Variants in BPIFA2 observed in about 807,000 individuals in gnomAD.
The protein encoded by BPIFA2 is BPI fold containing family A member 2, also known as BPI fold-containing family A member 2.
In BPIFA2, 20 loss-of-function variants were observed where a neutral mutation model predicts 25.7. The observed-to-expected ratio is 0.78, with a 90% confidence interval of 0.55 to 1.13. BPIFA2 has a LOEUF of 1.13. BPIFA2 is among the 50% of genes most tolerant of loss of function. BPIFA2 has a pLI of 0.00. For missense variants in BPIFA2, 300 were observed against 298.1 expected (o/e 1.01, Z -0.05); for synonymous variants, 126 against 124.3 (o/e 1.01, Z -0.09).
At chr20:33,176,613 G>A (rs1175161288) in intron 5 of BPIFA2, among the ~76,000 whole-genome samples, 3 of 152,196 alleles carry the variant, frequency 2.0e-5, no homozygotes, top group Admixed American at 6.5e-5. Context: ...CCTCAGGGAC[G>A]CCATCCTGCT....
chr20:33,161,780 G>C (rs893028270), exon 1 of BPIFA2: 2 of 152,264 alleles, frequency 1.3e-5, no homozygotes, highest in African/African-American at 4.8e-5. Context: ...AGAATTTGCA[G>C]GGGGGTGACA....
At chr20:33,175,676 G>T in intron 5 of BPIFA2, 117 bp downstream of exon 5, 1 of 1,155,084 alleles carries the variant, frequency 8.7e-7, no homozygotes, top group South Asian at 1.6e-5. Flanking sequence ...AGGCTCTGGA[G>T]TCATGTTGAC....
At chr20:33,162,933 C>A (rs1983621773) in intron 1 of BPIFA2, among the ~76,000 whole-genome samples, 1 of 152,250 alleles carries the variant, frequency 6.6e-6, no homozygotes, top group African/African-American at 2.4e-5. Context: ...GGGCTGGGCA[C>A]TGTGCCAGGG....
chr20:33,163,437 C>G (rs536772773), upstream of BPIFA2, among the ~76,000 whole-genome samples: 113 of 152,276 alleles, frequency 7.4e-4, no homozygotes, highest in African/African-American at 2.5e-3. Flanking sequence ...AGGGATTTCT[C>G]TGACACAGGC....
In BPIFA2 at chr20:33,180,576, A is replaced by G. The variant is rs1315588453; in HGVS notation, c.*16A>G. 2 of 1,610,180 alleles carry G rather than the reference A, an allele frequency of 1.2e-6. No individual in the cohort carries two copies. The highest frequency in any genetic ancestry group is 2.2e-5 in the South Asian group (2 of 91,022). ...CCTCATCTGAAGAGGACGAATGAGG[A>G]GGACCACTGTGGTGCATGCTGGTGA... On this transcript the variant is annotated 3_prime_UTR_variant, in exon 8 of 9. Coordinates refer to ENST00000354932, the MANE Select transcript of BPIFA2 (RefSeq NM_080574.4).
chr20:33,174,439 T>A (rs1207868342), intron 4 of BPIFA2, among the ~76,000 whole-genome samples: 2 of 152,240 alleles, frequency 1.3e-5, no homozygotes, highest in African/African-American at 4.8e-5. Context: ...GACATTTATC[T>A]GGTTTTAAAA....
chr20:33,163,715 G>A (rs1983643084), upstream of BPIFA2, among the ~76,000 whole-genome samples: 3 of 152,108 alleles, frequency 2.0e-5, no homozygotes, highest in Admixed American at 2.0e-4. Flanking sequence ...CCAGCTACTC[G>A]GGCGGCTGAG....
chr20:33,179,606 A>G lies in BPIFA2; in HGVS notation c.648A>G (p.Ile216Met). The stretch of plus-strand genomic sequence containing the variant: ...CTTCCTCCTTTCTCCGCTGTCAGAT[A>G]TGTCCACTGATCCGCATCTTCATCC... ...STVSSLLQKE[I>M]CPLIRIFIHS... is the part of the protein sequence containing the mutation. The change falls in exon 7 of 9, where the codon ATA becomes ATG. Residue 216 changes from isoleucine (I) to methionine (M), a missense_variant and splice_region_variant. Transcript: ENST00000354932. The G allele has an allele frequency of 3.7e-6, 6 of 1,609,530 alleles. No individual in the cohort carries two copies. Among genetic ancestry groups the G allele is most frequent in the Non-Finnish European group, 5.1e-6 (6 of 1,176,044 alleles).
At chr20:33,169,511 T>A (rs965303718) in intron 2 of BPIFA2, among the ~76,000 whole-genome samples, 3 of 152,224 alleles carry the variant, frequency 2.0e-5, no homozygotes, top group African/African-American at 7.2e-5. Flanking sequence ...CTGATAAACG[T>A]GCATAAGATA....
intron 3 of BPIFA2, 117 bp downstream of exon 3, chr20:33,173,193 C>T: frequency 7.7e-7 from 1 of 1,303,720 alleles, no homozygotes; most frequent in South Asian, 1.4e-5. Flanking sequence ...TCCCACAGAG[C>T]CAAGGTGGTC....
Position 33,175,389 on chromosome 20 carries a change from G to T in BPIFA2, c.411-18G>T. 1.2e-6 allele frequency: 2 copies of T among 1,611,544 alleles called. No individual in the cohort carries two copies. Among genetic ancestry groups the T allele is most frequent in the African/African-American group, 1.3e-5 (1 of 74,988 alleles). On this transcript the variant is annotated intron_variant, in intron 4 of 8. Coordinates refer to ENST00000354932, the MANE Select transcript of BPIFA2 (RefSeq NM_080574.4). ...GGAACTTCTAGACTTTGTTCACTGT[G>T]CATCTTACTTCCTGCAGGCCCATCA...
chr20:33,167,549 C>G (rs944486842), upstream of BPIFA2, among the ~76,000 whole-genome samples: 7 of 152,152 alleles, frequency 4.6e-5, no homozygotes, highest in African/African-American at 1.7e-4. Flanking sequence ...GAAAACCTGC[C>G]TTACAGAGTT....
Position 33,173,012 on chromosome 20 carries a change from G to C in BPIFA2, c.238G>C (p.Glu80Gln), listed in dbSNP as rs1001164377. ...GCAACTGGCCAAGCAGAAGGCCCAG[G>C]AAGCTGAGAAATTGCTGAACAATGT... The part of the protein sequence containing the change: ...AWQLAKQKAQ[E>Q]AEKLLNNVIS... The change falls in exon 3 of 9, where the codon GAA (glutamate) becomes CAA (glutamine). Residue 80 changes from glutamate (E) to glutamine (Q), a missense_variant. Glu to Gln is a conservative substitution (Grantham distance 29). Transcript: ENST00000354932. 22 of 1,613,998 alleles carry C rather than the reference G, an allele frequency of 1.4e-5. No homozygotes were observed. Among genetic ancestry groups the C allele is most frequent in the Non-Finnish European group, 1.8e-5 (21 of 1,180,028 alleles).
At chr20:33,179,009 C>T (rs1176941019) in intron 6 of BPIFA2, among the ~76,000 whole-genome samples, 1 of 152,142 alleles carries the variant, frequency 6.6e-6, no homozygotes, top group Non-Finnish European at 1.5e-5. Context: ...CAAAGTTCAA[C>T]ATGGGAATGT....
At chr20:33,166,441 CTT>C (rs1253521017), upstream of BPIFA2, among the ~76,000 whole-genome samples, 9 of 152,334 alleles carry the variant, frequency 5.9e-5, no homozygotes, top group East Asian at 1.7e-3. Flanking sequence ...TCTTCGCCAT[CTT>C]TGCTGTTGCC....
chr20:33,179,192 G>A (rs958683830), intron 6 of BPIFA2, among the ~76,000 whole-genome samples: 7 of 152,062 alleles, frequency 4.6e-5, no homozygotes, highest in Non-Finnish European at 1.0e-4. Flanking sequence ...CTCTTTTGAA[G>A]GTCAAGGTGG....
At chr20:33,179,943 C>T (rs1297903920) in intron 7 of BPIFA2, among the ~76,000 whole-genome samples, 1 of 152,130 alleles carries the variant, frequency 6.6e-6, no homozygotes, top group Admixed American at 6.5e-5. Context: ...GTCAGCCAGG[C>T]GCAGTGGCTC....
At chr20:33,177,257 A>C (rs1374115029) in intron 5 of BPIFA2, among the ~76,000 whole-genome samples, 1 of 151,872 alleles carries the variant, frequency 6.6e-6, no homozygotes, top group Non-Finnish European at 1.5e-5. Context: ...CGGGACGCTG[A>C]GGCACAAGCA....
upstream of BPIFA2, among the ~76,000 whole-genome samples, chr20:33,164,552 CCTCT>C (rs968625452): frequency 4.0e-5 from 6 of 149,876 alleles, no homozygotes; most frequent in African/African-American, 7.6e-5. Context: ...CTCCACATCC[CCTCT>C]CTCTCTTTCT....
Sources: allele counts gnomAD v4.1 joint callset (sites outside exome capture counted in the v4.1 genomes callset), GRCh38; gene constraint gnomAD v4.1.1; transcripts MANE v1.5; gene names NCBI Gene and HGNC (gene_info 2026-07-23, HGNC 2026-07-21).